Variants in PTK2 observed in about 807,000 individuals in gnomAD.
PTK2 encodes protein tyrosine kinase 2.
A neutral mutation model predicts 150.1 loss-of-function variants in PTK2; 45 were observed. That is an observed-to-expected ratio of 0.30 (90% CI 0.24 to 0.38). The LOEUF (loss-of-function observed/expected upper bound fraction) is 0.38, where lower values mean the gene tolerates loss of function less well. PTK2 is among the 10% of genes least tolerant of loss of function. PTK2 has a pLI of 1.00. For synonymous variants in PTK2, 432 were observed against 449.2 expected (o/e 0.96, Z 0.48); for missense variants, 919 against 1,307.3 (o/e 0.70, Z 4.58).
chr8:140,782,998 G>A (rs547639101), intron 14 of PTK2, among the ~76,000 whole-genome samples: 123 of 152,230 alleles, frequency 8.1e-4, no homozygotes, highest in Non-Finnish European at 1.1e-3. Context: ...CAGCACTTTC[G>A]GAGGCAGAGG....
chr8:140,790,888 T>C (rs2100088026), intron 13 of PTK2, among the ~76,000 whole-genome samples: 3 of 152,218 alleles, frequency 2.0e-5, no homozygotes, highest in African/African-American at 2.4e-5. Context: ...AATCAATAAA[T>C]TACATCATTT....
chr8:140,850,894 C>T (rs1272250429), intron 5 of PTK2, among the ~76,000 whole-genome samples: 1 of 152,162 alleles, frequency 6.6e-6, no homozygotes, highest in Non-Finnish European at 1.5e-5. Context: ...AATATTGATG[C>T]TAAATTACTC....
chr8:140,941,809 G>A (rs577500892), intron 1 of PTK2, among the ~76,000 whole-genome samples: 1 of 152,022 alleles, frequency 6.6e-6, no homozygotes, highest in African/African-American at 2.4e-5. Flanking sequence ...AGGCTCAGGC[G>A]ATCCTCCCAC....
chr8:140,890,267 T>TAAAA, intron 3 of PTK2: 2 of 286,296 alleles, frequency 7.0e-6, no homozygotes, highest in Non-Finnish European at 1.3e-5. Flanking sequence ...ATCCAAGAGT[T>TAAAA]AAAAAAAAAA....
intron 23 of PTK2, among the ~76,000 whole-genome samples, chr8:140,715,444 T>C (rs539452350): frequency 1.1e-4 from 16 of 152,158 alleles, no homozygotes; most frequent in Non-Finnish European, 1.5e-4. Context: ...AGTGCTGGGA[T>C]TACAGGGGTG....
At chr8:140,849,417 C>CATA (rs2100127747) in intron 5 of PTK2, among the ~76,000 whole-genome samples, 1 of 152,212 alleles carries the variant, frequency 6.6e-6, no homozygotes, top group African/African-American at 2.4e-5. Context: ...ACACTTTGTT[C>CATA]ATATCCCTTA....
At chr8:140,863,166 A>C (rs1194278982) in intron 5 of PTK2, among the ~76,000 whole-genome samples, 2 of 152,176 alleles carry the variant, frequency 1.3e-5, no homozygotes, top group East Asian at 1.9e-4. Flanking sequence ...AGACTTACAT[A>C]ATAAGCCTTT....
chr8:140,937,770 A>G (rs1406159055), intron 1 of PTK2, among the ~76,000 whole-genome samples: 2 of 152,160 alleles, frequency 1.3e-5, no homozygotes, highest in Admixed American at 6.5e-5. Flanking sequence ...ATTTACTACA[A>G]TGTAATCTTT....
intron 17 of PTK2, chr8:140,750,543 A>C (rs1053191466): frequency 6.6e-6 from 1 of 152,276 alleles, no homozygotes; most frequent in African/African-American, 2.4e-5. Context: ...TATGGTGGTC[A>C]GAAAAAGGTT....
rs147094307 is a variant in PTK2 at position 140,858,152 on chromosome 8, C to T, written c.450+6160G>A. On this transcript the variant is annotated intron_variant, in intron 5 of 31. Transcript: ENST00000522684. Reference sequence around the variant, plus strand: ...AATGCACCAAACATAAAACTGGTCACGGTTGAGGAGAGCTGGTAATCTGCC... The same window carrying T: ...AATGCACCAAACATAAAACTGGTCATGGTTGAGGAGAGCTGGTAATCTGCC... Among the ~76,000 whole-genome samples the T allele has an allele frequency of 4.1e-4, 63 of 152,020 alleles. No homozygotes were observed. The East Asian group carries it at 0.011, about 28-fold the overall frequency.
chr8:140,956,917 C>T (rs779582466), intron 1 of PTK2, among the ~76,000 whole-genome samples: 14 of 151,834 alleles, frequency 9.2e-5, no homozygotes, highest in Admixed American at 5.9e-4. Flanking sequence ...TAAAATTAGC[C>T]GGGCATGGTG....
intron 1 of PTK2, among the ~76,000 whole-genome samples, chr8:140,974,809 G>A (rs2100188670): frequency 6.6e-6 from 1 of 152,064 alleles, no homozygotes; most frequent in African/African-American, 2.4e-5. Context: ...AATTTCAGGG[G>A]TTCATGGACC....
intron 14 of PTK2, among the ~76,000 whole-genome samples, chr8:140,765,430 TG>T (rs961638355): frequency 3.3e-5 from 5 of 152,072 alleles, no homozygotes; most frequent in African/African-American, 1.2e-4. Context: ...AATCTACAAG[TG>T]GAAGAATTCA....
chr8:140,750,174 C>T (rs745931142), intron 17 of PTK2: 2 of 152,134 alleles, frequency 1.3e-5, no homozygotes, highest in African/African-American at 2.4e-5. Context: ...TGTACTAAGA[C>T]TTAATTAATG....
intron 22 of PTK2, among the ~76,000 whole-genome samples, chr8:140,721,365 T>C (rs936468046): frequency 3.9e-5 from 6 of 152,198 alleles, no homozygotes; most frequent in Admixed American, 1.3e-4. Flanking sequence ...TACAATGTCT[T>C]TGAACTTGAC....
intron 17 of PTK2, among the ~76,000 whole-genome samples, chr8:140,747,730 G>A (rs2100060163): frequency 1.1e-5 from 1 of 89,390 alleles, no homozygotes; most frequent in African/African-American, 4.3e-5. Flanking sequence ...GGAGGGGGAG[G>A]AAGGAAGTAG....
intron 13 of PTK2, among the ~76,000 whole-genome samples, chr8:140,792,838 ATTGTT>A (rs2100089311): frequency 6.6e-6 from 1 of 152,154 alleles, no homozygotes; most frequent in Non-Finnish European, 1.5e-5. Flanking sequence ...TATGTATCTG[ATTGTT>A]TAGATTTTAA....
chr8:140,789,513 C>T (rs879092898), exon 14 of PTK2: 3 of 1,613,284 alleles, frequency 1.9e-6, no homozygotes, highest in Non-Finnish European at 2.5e-6. Context: ...CCTTGCTTTT[C>T]GCTGTTGGCC....
chr8:140,836,776 G>A (rs2100118911), intron 7 of PTK2, among the ~76,000 whole-genome samples: 1 of 152,102 alleles, frequency 6.6e-6, no homozygotes, highest in African/African-American at 2.4e-5. Context: ...ACAACAGAAT[G>A]CAGCTCACAT....
Sources: gnomAD v4.1 joint callset for allele counts (sites outside exome capture counted in the v4.1 genomes callset) on GRCh38, gnomAD v4.1.1 for gene constraint, MANE v1.5 for transcripts, NCBI Gene and HGNC (gene_info 2026-07-23, HGNC 2026-07-21) for gene names.